Variants in ARID1B observed in about 807,000 individuals in gnomAD.
ARID1B encodes the protein AT-rich interactive domain-containing protein 1B.
In ARID1B, 30 loss-of-function variants were observed where a neutral mutation model predicts 212.3. The ratio of observed to expected loss-of-function variants is 0.14; its 90% CI spans 0.11 to 0.19. The LOEUF (loss-of-function observed/expected upper bound fraction) is 0.19. Among genes scored for constraint, ARID1B ranks in the 10% least tolerant of loss-of-function variants. The pLI is 1.00. For synonymous variants in ARID1B, 1,402 were observed against 1,301.7 expected (o/e 1.08, Z -1.66); for missense variants, 2,891 against 3,204.0 (o/e 0.90, Z 2.36).
intron 4 of ARID1B, among the ~76,000 whole-genome samples, chr6:157,026,431 C>T (rs886979369): frequency 1.3e-5 from 2 of 152,062 alleles, no homozygotes; most frequent in African/African-American, 2.4e-5. Context: ...AAGATGTACC[C>T]TTGATATGAA....
intron 4 of ARID1B, among the ~76,000 whole-genome samples, chr6:156,965,129 T>A (rs969240749): frequency 6.6e-6 from 1 of 152,248 alleles, no homozygotes; most frequent in African/African-American, 2.4e-5. Context: ...AGTTATTTCC[T>A]CTACTTTTCT....
intron 5 of ARID1B, among the ~76,000 whole-genome samples, chr6:157,089,745 G>A (rs1785163525): frequency 6.6e-6 from 1 of 152,132 alleles, no homozygotes; most frequent in South Asian, 2.1e-4. Context: ...AAATGAAATA[G>A]CTCCATCTTT....
Position 156,888,563 on chromosome 6 carries a change from TATAAC to T in ARID1B, c.1987-12811_1987-12807del, listed in dbSNP as rs371913925. ...TTACCAGTTACAGTCTGGGCAATAA[TATAAC>T]AAGAAAGAGGGAAAATCCAAATTGC... is the stretch of plus-strand genomic sequence containing the variant. On this transcript the variant is annotated intron_variant, in intron 2 of 19. Coordinates refer to ENST00000636930, the MANE Select transcript of ARID1B (RefSeq NM_001374828.1). Among the ~76,000 whole-genome samples the T allele has an allele frequency of 2.0e-3, 310 of 152,300 alleles. 2 individuals carry two copies. The highest frequency in any genetic ancestry group is 7.2e-3 in the African/African-American group (300 of 41,562).
chr6:157,202,775 AAT>A (rs1794192782), intron 18 of ARID1B, among the ~76,000 whole-genome samples: 1 of 150,468 alleles, frequency 6.6e-6, no homozygotes, highest in Non-Finnish European at 1.5e-5. Flanking sequence ...ATATATATAG[AAT>A]ATGTGTGTGT....
chr6:156,796,619 G>A (rs565111247), intron 1 of ARID1B, among the ~76,000 whole-genome samples: 81 of 152,326 alleles, frequency 5.3e-4, no homozygotes, highest in East Asian at 3.3e-3. Flanking sequence ...AGCTGAGAAA[G>A]CCCTAATAAA....
At chr6:156,833,771 A>C (rs980555410) in intron 2 of ARID1B, among the ~76,000 whole-genome samples, 2 of 152,218 alleles carry the variant, frequency 1.3e-5, no homozygotes, top group African/African-American at 4.8e-5. Context: ...AAACAATTCA[A>C]AACAGGTTTC....
chr6:157,121,440 A>G (rs980105366), intron 6 of ARID1B, among the ~76,000 whole-genome samples: 1 of 152,112 alleles, frequency 6.6e-6, no homozygotes, highest in Admixed American at 6.5e-5. Flanking sequence ...TCCAGGGAAG[A>G]ATTTTTCTGT....
At chr6:156,787,989 T>C (rs1001218309) in intron 1 of ARID1B, among the ~76,000 whole-genome samples, 5 of 152,158 alleles carry the variant, frequency 3.3e-5, no homozygotes, top group Non-Finnish European at 7.4e-5. Context: ...CTGTGGCATC[T>C]GTATGTGGCC....
intron 1 of ARID1B, among the ~76,000 whole-genome samples, chr6:156,819,976 G>A (rs75002198): frequency 0.059 from 8,990 of 152,226 alleles, 289 homozygotes; most frequent in Non-Finnish European, 0.072. Flanking sequence ...ACTTGGTAAG[G>A]AGCTGGCTGT....
intron 4 of ARID1B, among the ~76,000 whole-genome samples, chr6:157,077,191 T>C (rs1402714461): frequency 6.6e-6 from 1 of 152,242 alleles, no homozygotes; most frequent in Non-Finnish European, 1.5e-5. Flanking sequence ...TGTTTAATTC[T>C]ATATAATGCT....
chr6:157,155,117 T>G (rs1049201344), intron 8 of ARID1B, among the ~76,000 whole-genome samples: 3 of 152,220 alleles, frequency 2.0e-5, no homozygotes, highest in African/African-American at 7.2e-5. Flanking sequence ...CATTCCCATG[T>G]AGACTCCACG....
intron 2 of ARID1B, among the ~76,000 whole-genome samples, chr6:156,862,819 G>A (rs1785427048): frequency 6.6e-6 from 1 of 152,226 alleles, no homozygotes; most frequent in African/African-American, 2.4e-5. Flanking sequence ...GGAAAGTCAT[G>A]TCTAGATCAC....
At chr6:156,849,898 C>T (rs569678156) in intron 2 of ARID1B, among the ~76,000 whole-genome samples, 1 of 151,842 alleles carries the variant, frequency 6.6e-6, no homozygotes, top group African/African-American at 2.4e-5. Context: ...TGCATGAAAG[C>T]ACCTTTTTGA....
intron 6 of ARID1B, among the ~76,000 whole-genome samples, chr6:157,117,071 G>A (rs533923637): frequency 3.9e-5 from 6 of 152,260 alleles, no homozygotes; most frequent in African/African-American, 1.4e-4. Flanking sequence ...GGAATCTGAT[G>A]TTCACAGAGG....
At chr6:156,956,384 T>G (rs1363371299) in intron 4 of ARID1B, among the ~76,000 whole-genome samples, 1 of 152,166 alleles carries the variant, frequency 6.6e-6, no homozygotes, top group Non-Finnish European at 1.5e-5. Flanking sequence ...AATGAAAATT[T>G]GGCAATAAGT....
intron 12 of ARID1B, 96 bp downstream of exon 12, chr6:157,181,274 C>G: frequency 2.1e-6 from 3 of 1,443,374 alleles, no homozygotes; most frequent in East Asian, 2.4e-5. Flanking sequence ...TTTTTTCTCA[C>G]AAAGGAAAAG....
At chr6:157,076,607 A>T (rs78221712) in intron 4 of ARID1B, among the ~76,000 whole-genome samples, 2,120 of 151,874 alleles carry the variant, frequency 0.014, 56 homozygotes, top group African/African-American at 0.048. Context: ...TAAGATAAAC[A>T]GTAAAGTTGT....
intron 3 of ARID1B, among the ~76,000 whole-genome samples, chr6:156,915,024 A>T (rs114682881): frequency 0.033 from 5,063 of 152,318 alleles, 291 homozygotes; most frequent in African/African-American, 0.11. Context: ...AAACTTAGTA[A>T]ACATGGTGAA....
intron 8 of ARID1B, among the ~76,000 whole-genome samples, chr6:157,164,410 C>A (rs1415263899): frequency 1.3e-5 from 2 of 152,138 alleles, no homozygotes; most frequent in Non-Finnish European, 2.9e-5. Context: ...TGGATGATTA[C>A]TTCATTCAGT....
Sources: gnomAD v4.1 joint callset for allele counts (sites outside exome capture counted in the v4.1 genomes callset) on GRCh38, gnomAD v4.1.1 for gene constraint, MANE v1.5 for transcripts, NCBI Gene and HGNC (gene_info 2026-07-23, HGNC 2026-07-21) for gene names.